Variants in IFNGR1 observed in about 807,000 individuals in gnomAD.
IFNGR1 encodes the protein AVP, type 2.
In IFNGR1, 23 loss-of-function variants were observed where a neutral mutation model predicts 35.4. That is an observed-to-expected ratio of 0.65 (90% confidence interval 0.47 to 0.92). The LOEUF (loss-of-function observed/expected upper bound fraction) is 0.92. Ranked by LOEUF, IFNGR1 falls within the 40% of genes least tolerant of loss-of-function variation. The pLI is 0.00. For synonymous variants in IFNGR1, 199 were observed against 209.5 expected (o/e 0.95, Z 0.43); for missense variants, 533 against 583.4 (o/e 0.91, Z 0.89).
In IFNGR1 at chr6:137,203,579, T is replaced by C. The variant is rs889654179; in HGVS notation, c.653A>G (p.Glu218Gly). 6.8e-6 allele frequency: 11 copies of C among 1,613,760 alleles called. No homozygotes were observed. The highest frequency in any genetic ancestry group is 9.3e-6 in the Non-Finnish European group (11 of 1,179,690). ...SLNSQYCVSA[E>G]GVLHVWGVTT... The stretch of plus-strand genomic sequence containing the variant: ...AACACCCCACACATGTAAGACTCCT[T>C]CTGCTGAAACACAGTACTGAGAATT... The change falls in exon 5 of 7, where the codon GAA (glutamate) becomes GGA (glycine). Residue 218 changes from glutamate (E) to glycine (G), a missense_variant. Physicochemically the swap from Glu to Gly is moderately conservative, Grantham distance 98 (BLOSUM62 -2). Coordinates refer to ENST00000367739, the MANE Select transcript of IFNGR1 (RefSeq NM_000416.3).
chr6:137,200,924 A>C lies in IFNGR1; in HGVS notation c.818T>G (p.Ile273Ser). The C allele has an allele frequency of 6.2e-7, 1 of 1,607,940 alleles. No individual in the cohort carries two copies. The highest frequency in any genetic ancestry group is 8.5e-7 in the Non-Finnish European group (1 of 1,174,974). Residue 273 changes from isoleucine (I) to serine (S), a missense_variant, in exon 6 of 7, where the codon ATT (isoleucine) becomes AGT (serine). Coordinates refer to ENST00000367739, the MANE Select transcript of IFNGR1 (RefSeq NM_000416.3). The stretch of plus-strand genomic sequence containing the variant: ...TATGCTTTTTTCCTTCAATGGATTA[A>C]TTTTCTTAATATAAAAACAGATGAA... ...LVFICFYIKK[I>S]NPLKEKSIIL...
intron 1 of IFNGR1, among the ~76,000 whole-genome samples, chr6:137,208,906 T>A (rs1252509918): frequency 6.6e-6 from 1 of 152,174 alleles, no homozygotes; most frequent in African/African-American, 2.4e-5. Context: ...CTGCAGACAT[T>A]TGATGGCAGC....
rs1779357608 is a variant in IFNGR1 at position 137,203,798 on chromosome 6, TG to T, written c.547-114del. ...ACTGAAGAAATATATATGATTGACT[TG>T]AACATGTCTAAAAATAGCTTTACTA... is the stretch of plus-strand genomic sequence containing the variant. On this transcript the variant is annotated intron_variant, in intron 4 of 6. Transcript: ENST00000367739. 3 of 854,440 alleles carry T rather than the reference TG, an allele frequency of 3.5e-6. No homozygotes were observed. The East Asian group carries it at 7.9e-5, about 23-fold the overall frequency. 52.9% of individuals were successfully genotyped at this position (854,440 alleles called of 1,614,324 possible). A position where few individuals can be genotyped will look rare whatever the true frequency, so the allele number is the denominator to read the frequency against.
intron 4 of IFNGR1, 56 bp downstream of exon 4, chr6:137,204,276 A>C: frequency 2.8e-6 from 4 of 1,431,800 alleles, no homozygotes; most frequent in Non-Finnish European, 3.9e-6. Flanking sequence ...TACAGAAAGG[A>C]ACAACTTTTG....
chr6:137,217,399 T>G (rs577281034), intron 1 of IFNGR1, among the ~76,000 whole-genome samples: 1 of 152,216 alleles, frequency 6.6e-6, no homozygotes, highest in African/African-American at 2.4e-5. Flanking sequence ...ACACCTGTAC[T>G]TCAGGCACGC....
At chr6:137,215,961 C>A (rs1426836241) in intron 1 of IFNGR1, among the ~76,000 whole-genome samples, 1 of 152,102 alleles carries the variant, frequency 6.6e-6, no homozygotes, top group Non-Finnish European at 1.5e-5. Context: ...ATCCTTCCGC[C>A]GATGTGCTGG....
At chr6:137,209,956 ACT>A (rs1487287708) in intron 1 of IFNGR1, 1 of 398,430 alleles carries the variant, frequency 2.5e-6, no homozygotes, top group African/African-American at 2.1e-5. Flanking sequence ...TCTTGCCTTC[ACT>A]CTTTCAGAAA....
intron 3 of IFNGR1, 109 bp from the exon 4 acceptor site, chr6:137,204,613 T>G: frequency 1.0e-6 from 1 of 954,860 alleles, no homozygotes; most frequent in Non-Finnish European, 1.7e-6. Context: ...TTGTTCTGGT[T>G]GTTCTAAAGC....
At position 137,219,336 on chromosome 6, in the gene IFNGR1, C is replaced by A; in HGVS notation, c.-9G>T. On this transcript the variant is annotated 5_prime_UTR_variant, in exon 1 of 7. Transcript: ENST00000367739. Reference sequence around the variant, plus strand: ...AGAAAGAGGAGAGCCATGCTGCTACCGACGGTCGCTGGCTCCAACCCCGAG... The same window carrying A: ...AGAAAGAGGAGAGCCATGCTGCTACAGACGGTCGCTGGCTCCAACCCCGAG... 1 of 1,599,964 alleles carries A rather than the reference C, an allele frequency of 6.3e-7. No homozygotes were observed. The highest frequency in any genetic ancestry group is 1.1e-5 in the South Asian group (1 of 88,496).
chr6:137,202,445 C>A (rs1449110165), intron 5 of IFNGR1, among the ~76,000 whole-genome samples: 2 of 152,078 alleles, frequency 1.3e-5, no homozygotes, highest in Non-Finnish European at 2.9e-5. Context: ...CTATTTGAAA[C>A]CTTCATATAA....
chr6:137,219,355 C>G lies in IFNGR1; in HGVS notation c.-28G>C, dbSNP rs757420395. 6.3e-7 allele frequency: 1 copy of G among 1,584,832 alleles called. No individual in the cohort carries two copies. Among genetic ancestry groups the G allele is most frequent in the African/African-American group, 1.3e-5 (1 of 74,598 alleles). On this transcript the variant is annotated 5_prime_UTR_variant, in exon 1 of 7. Transcript: ENST00000367739. ...TGCTACCGACGGTCGCTGGCTCCAA[C>G]CCCGAGCGCCTGCGGGACCAGCCCA...
At chr6:137,207,164 C>T (rs1779455457) in intron 1 of IFNGR1, 87 bp from the exon 2 acceptor site, 3 of 1,530,422 alleles carry the variant, frequency 2.0e-6, no homozygotes, top group African/African-American at 1.4e-5. Flanking sequence ...CCACATTGCC[C>T]AGATATGTAT....
intron 1 of IFNGR1, among the ~76,000 whole-genome samples, chr6:137,216,716 A>G (rs191135571): frequency 1.7e-3 from 266 of 152,366 alleles, no homozygotes; most frequent in Admixed American, 4.7e-3. Context: ...AACAGGGAAC[A>G]CAACAAAATC....
At chr6:137,203,873 T>A (rs933641319) in intron 4 of IFNGR1, 188 bp from the exon 5 acceptor site, 4 of 605,258 alleles carry the variant, frequency 6.6e-6, no homozygotes, top group African/African-American at 1.9e-5. Context: ...TATGCATCTG[T>A]TATATTCCTT....
chr6:137,203,445 C>G, intron 5 of IFNGR1, 54 bp downstream of exon 5: 1 of 909,340 alleles, frequency 1.1e-6, no homozygotes, highest in Non-Finnish European at 1.9e-6. Flanking sequence ...CTCACATGAT[C>G]CTATTTTAGT....
chr6:137,214,026 G>A (rs751219801), intron 1 of IFNGR1, among the ~76,000 whole-genome samples: 23 of 152,216 alleles, frequency 1.5e-4, no homozygotes, highest in Non-Finnish European at 5.9e-5. Context: ...ACGCTGAGAA[G>A]CATAAGGAAG....
In IFNGR1 at chr6:137,198,028, A is replaced by ATCTC. The variant is rs751519412; in HGVS notation, c.1469_*2dup. 1 of 1,614,014 alleles carries ATCTC rather than the reference A, an allele frequency of 6.2e-7. No homozygotes were observed. ...CTTCAAAGTTGGTGCAACTTAGCTG[A>ATCTC]TCTCATGAAAATTCTTTGGAATCTT... On this transcript the variant is annotated 3_prime_UTR_variant, in exon 7 of 7. Coordinates refer to ENST00000367739, the MANE Select transcript of IFNGR1 (RefSeq NM_000416.3).
At chr6:137,218,643 C>A in intron 1 of IFNGR1, 1 of 397,130 alleles carries the variant, frequency 2.5e-6, no homozygotes, top group Non-Finnish European at 4.8e-6. Flanking sequence ...ACTGAGACCA[C>A]GATGCCACAT....
intron 6 of IFNGR1, among the ~76,000 whole-genome samples, chr6:137,199,377 T>G (rs1380999713): frequency 7.7e-6 from 1 of 129,784 alleles, no homozygotes; most frequent in African/African-American, 2.9e-5. Context: ...ATATAAAATA[T>G]AATTTATATT....
Sources: allele counts gnomAD v4.1 joint callset (sites outside exome capture counted in the v4.1 genomes callset), GRCh38; gene constraint gnomAD v4.1.1; transcripts MANE v1.5; gene names NCBI Gene and HGNC (gene_info 2026-07-23, HGNC 2026-07-21).